ATP2C2: variants seen among roughly 807,000 people sequenced by gnomAD.
ATP2C2 encodes ATPase secretory pathway Ca2+ transporting 2, also known as calcium-transporting ATPase type 2C member 2.
ATP2C2 carries 171 observed loss-of-function variants against 110.8 expected under a neutral mutation model. The ratio of observed to expected loss-of-function variants is 1.54; its 90% CI spans 1.36 to 1.75. The LOEUF (loss-of-function observed/expected upper bound fraction) is 1.75, where lower values mean the gene tolerates loss of function less well. Among genes scored for constraint, ATP2C2 ranks in the 40% most tolerant of loss-of-function variants. The pLI, the probability that ATP2C2 is intolerant of heterozygous loss-of-function variation, is 0.00. For synonymous variants in ATP2C2, 804 were observed against 508.4 expected (o/e 1.58, Z -7.82); for missense variants, 1,963 against 1,235.0 (o/e 1.59, Z -8.84).
At chr16:84,455,059 T>G (rs996557780) in intron 21 of ATP2C2, 75 bp downstream of exon 21, 123 of 1,339,526 alleles carry the variant, frequency 9.2e-5, no homozygotes, top group East Asian at 3.5e-4. Context: ...AACCTGCTAC[T>G]GTGGAGATAG....
chr16:84,403,478 A>T (rs543206377), intron 2 of ATP2C2, among the ~76,000 whole-genome samples: 15 of 151,452 alleles, frequency 9.9e-5, no homozygotes, highest in African/African-American at 1.7e-4. Flanking sequence ...GCTAATTTTT[A>T]AAATTTTTTT....
chr16:84,430,403 C>G (rs965416906), intron 11 of ATP2C2, among the ~76,000 whole-genome samples: 2 of 61,734 alleles, frequency 3.2e-5, no homozygotes, highest in African/African-American at 1.1e-4. Flanking sequence ...CACTTTTGGA[C>G]ACTGAGGCAG....
chr16:84,413,827 C>G (rs1193410173), intron 6 of ATP2C2, among the ~76,000 whole-genome samples: 1 of 152,116 alleles, frequency 6.6e-6, no homozygotes, highest in Non-Finnish European at 1.5e-5. Flanking sequence ...CTGGTGCAGG[C>G]ATCAAATATT....
intron 4 of ATP2C2, among the ~76,000 whole-genome samples, chr16:84,409,891 G>A (rs1906117319): frequency 6.6e-6 from 1 of 152,098 alleles, no homozygotes. Flanking sequence ...CATTCCACAC[G>A]ATGGAATTTC....
chr16:84,460,370 T>A, intron 23 of ATP2C2: 1 of 480,270 alleles, frequency 2.1e-6, no homozygotes. Flanking sequence ...CTCGGGGTGA[T>A]GGAGATCATC....
chr16:84,412,042 C>T (rs1906358160), intron 6 of ATP2C2, among the ~76,000 whole-genome samples: 1 of 148,990 alleles, frequency 6.7e-6, no homozygotes, highest in African/African-American at 2.5e-5. Flanking sequence ...CAGGGTCTGG[C>T]TCTGTTGCCT....
At chr16:84,436,175 T>G (rs970388462) in intron 11 of ATP2C2, among the ~76,000 whole-genome samples, 6 of 152,234 alleles carry the variant, frequency 3.9e-5, no homozygotes, top group African/African-American at 1.4e-4. Flanking sequence ...AAATGTGTTT[T>G]GTTTGAACTG....
intron 6 of ATP2C2, chr16:84,411,040 G>C: frequency 1.9e-6 from 1 of 515,782 alleles, no homozygotes. Context: ...ACTCTGGGAA[G>C]AGGGTAGCCC....
chr16:84,390,613 C>G (rs1481978092), intron 1 of ATP2C2, among the ~76,000 whole-genome samples: 1 of 151,840 alleles, frequency 6.6e-6, no homozygotes, highest in Non-Finnish European at 1.5e-5. Flanking sequence ...ATGAGTCGTT[C>G]CGGAGGCTGG....
rs1215831681 is a variant in ATP2C2, at chr16:84,440,908, A to G, written c.1261A>G (p.Lys421Glu). ...AGGGACTGTGTGTCTTCTACCATCC[A>G]AGGAAGTCATTAAGGAATTTTCCAA... ...GQGTVCLLPS[K>E]EVIKEFSNVS... Residue 421 changes from lysine (K) to glutamate (E), a missense_variant, in exon 14 of 27, where the codon AAG becomes GAG. Coordinates refer to ENST00000262429, the MANE Select transcript of ATP2C2 (RefSeq NM_014861.4). 6.2e-7 allele frequency: 1 copy of G among 1,613,506 alleles called. No homozygotes were observed. Among genetic ancestry groups the G allele is most frequent in the African/African-American group, 1.3e-5 (1 of 74,896 alleles).
chr16:84,406,066 T>C (rs1219458976), intron 3 of ATP2C2, among the ~76,000 whole-genome samples: 1 of 152,228 alleles, frequency 6.6e-6, no homozygotes, highest in Non-Finnish European at 1.5e-5. Flanking sequence ...CTGGGTGTCC[T>C]ACTGTAACCT....
At chr16:84,440,461 T>A (rs1189246135) in intron 13 of ATP2C2, among the ~76,000 whole-genome samples, 1 of 152,260 alleles carries the variant, frequency 6.6e-6, no homozygotes, top group Non-Finnish European at 1.5e-5. Context: ...ATATTGCCAA[T>A]GGCTGCTTTC....
intron 1 of ATP2C2, among the ~76,000 whole-genome samples, chr16:84,377,574 C>T (rs1910321484): frequency 6.6e-6 from 1 of 152,046 alleles, no homozygotes; most frequent in Non-Finnish European, 1.5e-5. Flanking sequence ...ATGGCTGTGT[C>T]CTAATCTCCT....
intron 7 of ATP2C2, among the ~76,000 whole-genome samples, chr16:84,416,828 A>C (rs1294343355): frequency 6.6e-6 from 1 of 152,194 alleles, no homozygotes; most frequent in Non-Finnish European, 1.5e-5. Context: ...GGATCCGGTC[A>C]GAGGAACGGC....
At chr16:84,400,244 C>G (rs989409561) in intron 2 of ATP2C2, among the ~76,000 whole-genome samples, 2 of 151,910 alleles carry the variant, frequency 1.3e-5, no homozygotes, top group East Asian at 3.8e-4. Flanking sequence ...GCAGATATCT[C>G]TTCAATATTC....
chr16:84,382,020 T>C (rs1396482177), intron 1 of ATP2C2, among the ~76,000 whole-genome samples: 2 of 152,188 alleles, frequency 1.3e-5, no homozygotes, highest in African/African-American at 4.8e-5. Context: ...AGTTCTGGGA[T>C]ACATGTGCAG....
At chr16:84,373,519 A>G (rs1910081400) in intron 1 of ATP2C2, among the ~76,000 whole-genome samples, 1 of 152,156 alleles carries the variant, frequency 6.6e-6, no homozygotes, top group South Asian at 2.1e-4. Flanking sequence ...ACAACAAAAA[A>G]AGAGACTGGA....
At chr16:84,433,009 G>A (rs72806619) in intron 11 of ATP2C2, among the ~76,000 whole-genome samples, 18,284 of 152,138 alleles carry the variant, frequency 0.12, 1,316 homozygotes, top group Non-Finnish European at 0.16. Flanking sequence ...CAGGGGTGGC[G>A]GCAGGGAGGG....
At chr16:84,386,273 G>T (rs1904321231) in intron 1 of ATP2C2, among the ~76,000 whole-genome samples, 1 of 152,158 alleles carries the variant, frequency 6.6e-6, no homozygotes, top group South Asian at 2.1e-4. Context: ...GTGTGCATAT[G>T]CTGCGAGATC....
Sources: allele counts gnomAD v4.1 joint callset (sites outside exome capture counted in the v4.1 genomes callset), GRCh38; gene constraint gnomAD v4.1.1; transcripts MANE v1.5; gene names NCBI Gene and HGNC (gene_info 2026-07-23, HGNC 2026-07-21).